DOCK10: variants seen among roughly 807,000 people sequenced by gnomAD.
The protein encoded by DOCK10 is dedicator of cytokinesis 10.
A neutral mutation model predicts 280.1 loss-of-function variants in DOCK10; 145 were observed. The observed-to-expected ratio is 0.52, with a 90% CI of 0.45 to 0.59. The LOEUF (loss-of-function observed/expected upper bound fraction) is 0.59, where lower values mean the gene tolerates loss of function less well. Ranked by LOEUF, DOCK10 falls within the 20% of genes least tolerant of loss-of-function variation. DOCK10 has a pLI of 0.00. For synonymous variants in DOCK10, 915 were observed against 942.2 expected (o/e 0.97, Z 0.53); for missense variants, 2,368 against 2,651.7 (o/e 0.89, Z 2.35).
In DOCK10 at chr2:224,818,398, C is replaced by CTTT. The variant is rs386392783; in HGVS notation, c.3267+1045_3267+1047dup. 4.8e-3 allele frequency among the ~76,000 whole-genome samples: 604 copies of CTTT among 126,426 alleles called. 27 individuals are homozygous for CTTT. The highest frequency in any genetic ancestry group is 0.013 in the African/African-American group (411 of 30,944). The allele number at this position is 126,426 out of a possible 152,430, so 82.9% of individuals were successfully genotyped here. On this transcript the variant is annotated intron_variant, in intron 29 of 55. Coordinates refer to ENST00000258390, the MANE Select transcript of DOCK10 (RefSeq NM_014689.3). ...GTGCTTGAAAAGGCCTGGCCCCTGC[C>CTTT]TTTTTTTTTTTTTTTTTTGAGACGG...
At chr2:224,919,605 G>A (rs1360924594) in intron 2 of DOCK10, among the ~76,000 whole-genome samples, 1 of 150,682 alleles carries the variant, frequency 6.6e-6, no homozygotes, top group East Asian at 2.0e-4. Flanking sequence ...AATGTGATGT[G>A]TCAGTGTGTA....
chr2:224,855,607 T>G (rs1345769517), intron 15 of DOCK10, among the ~76,000 whole-genome samples: 2 of 152,304 alleles, frequency 1.3e-5, no homozygotes, highest in Non-Finnish European at 2.9e-5. Flanking sequence ...CCCACTCACA[T>G]GCACTCCCCG....
intron 44 of DOCK10, 109 bp from the exon 45 acceptor site, chr2:224,795,203 T>G: frequency 1.1e-6 from 1 of 926,716 alleles, no homozygotes; most frequent in Non-Finnish European, 1.6e-6. Context: ...GAGCATTCTA[T>G]ATATAGTTAT....
chr2:224,986,912 G>A (rs600020), intron 1 of DOCK10, among the ~76,000 whole-genome samples: 96,316 of 152,028 alleles, frequency 0.63, 30,811 homozygotes, highest in Non-Finnish European at 0.63. Flanking sequence ...TCACCTCCTC[G>A]GAGAAAGGCT....
intron 7 of DOCK10, among the ~76,000 whole-genome samples, chr2:224,884,106 A>G: frequency 6.6e-6 from 1 of 152,238 alleles, no homozygotes; most frequent in East Asian, 1.9e-4. Flanking sequence ...TGCCCTTTCC[A>G]TATGGAAAGC....
intron 1 of DOCK10, among the ~76,000 whole-genome samples, chr2:224,991,083 C>T (rs1204826657): frequency 1.3e-5 from 2 of 152,208 alleles, no homozygotes; most frequent in East Asian, 1.9e-4. Context: ...CCAATTTCTA[C>T]TGGAAGGATG....
At chr2:224,954,368 T>C (rs1347636878) in intron 1 of DOCK10, among the ~76,000 whole-genome samples, 4 of 152,236 alleles carry the variant, frequency 2.6e-5, no homozygotes, top group African/African-American at 9.6e-5. Flanking sequence ...TATCTTAGTG[T>C]GATATTTAGA....
chr2:224,795,079 C>T lies in DOCK10; in HGVS notation c.4954G>A (p.Ala1652Thr). The change falls in exon 45 of 56, where the codon GCA (alanine) becomes ACA (threonine). Residue 1652 changes from alanine to threonine, a missense_variant. By Grantham distance (58) the Ala-to-Thr change is moderately conservative (BLOSUM62 0). Coordinates refer to ENST00000258390, the MANE Select transcript of DOCK10 (RefSeq NM_014689.3). ...DKQMKNSNFP[A>T]EVKDLTKRIR... ...CGCTTAGTCAGGTCCTTCACCTCTG[C>T]TGGGAAATTGCTGTTCTTTGGAAAA... The T allele has an allele frequency of 6.2e-7, 1 of 1,613,842 alleles. No homozygotes were observed. Among genetic ancestry groups the T allele is most frequent in the Non-Finnish European group, 8.5e-7 (1 of 1,179,798 alleles).
At chr2:224,864,748 T>TA (rs1228513507) in intron 12 of DOCK10, 73 bp from the exon 13 acceptor site, 5 of 1,575,558 alleles carry the variant, frequency 3.2e-6, no homozygotes, top group African/African-American at 2.7e-5. Context: ...TCCATTTTTT[T>TA]AAAAAAGGAC....
chr2:224,994,923 A>G (rs1706228503), intron 1 of DOCK10, among the ~76,000 whole-genome samples: 1 of 152,222 alleles, frequency 6.6e-6, no homozygotes. Context: ...CAGGAGTGGC[A>G]TAGATGTGTA....
intron 3 of DOCK10, among the ~76,000 whole-genome samples, chr2:224,902,276 G>C (rs1056337366): frequency 4.6e-5 from 7 of 151,948 alleles, no homozygotes; most frequent in Admixed American, 2.0e-4. Context: ...TTTTTTTTCA[G>C]ATGCAAAATT....
At chr2:224,888,857 T>G (rs1242455444) in intron 4 of DOCK10, among the ~76,000 whole-genome samples, 1 of 152,090 alleles carries the variant, frequency 6.6e-6, no homozygotes, top group East Asian at 1.9e-4. Flanking sequence ...TATATTTGTG[T>G]GTGACTACAT....
intron 7 of DOCK10, among the ~76,000 whole-genome samples, chr2:224,881,379 T>C (rs1211993686): frequency 6.6e-6 from 1 of 152,216 alleles, no homozygotes; most frequent in Non-Finnish European, 1.5e-5. Context: ...CAATATATAC[T>C]AGTATTTGCT....
intron 47 of DOCK10, among the ~76,000 whole-genome samples, chr2:224,792,292 TA>T (rs1261146481): frequency 2.0e-5 from 3 of 152,214 alleles, no homozygotes; most frequent in Non-Finnish European, 2.9e-5. Context: ...TTTTTCTTTT[TA>T]TTTTTTTGGA....
chr2:224,766,090 T>C (rs1444494444), intron 55 of DOCK10, among the ~76,000 whole-genome samples: 1 of 152,202 alleles, frequency 6.6e-6, no homozygotes, highest in East Asian at 1.9e-4. Context: ...AATGTTTGGA[T>C]GAAACTTACA....
At chr2:224,772,287 A>C (rs548578209) in intron 53 of DOCK10, among the ~76,000 whole-genome samples, 3 of 152,302 alleles carry the variant, frequency 2.0e-5, no homozygotes, top group African/African-American at 7.2e-5. Context: ...TTATTTTAAA[A>C]TTTAATACTT....
At chr2:224,943,761 CTT>C (rs67538456) in intron 1 of DOCK10, among the ~76,000 whole-genome samples, 147 of 107,414 alleles carry the variant, frequency 1.4e-3, no homozygotes, top group African/African-American at 3.7e-3. Context: ...TTTTTCTTTT[CTT>C]TTTTTTTTTT....
intron 22 of DOCK10, among the ~76,000 whole-genome samples, chr2:224,844,376 C>T (rs749664690): frequency 9.9e-5 from 15 of 152,078 alleles, no homozygotes; most frequent in South Asian, 2.1e-4. Context: ...GTAATCTGCC[C>T]GCCTCGGCCT....
intron 1 of DOCK10, among the ~76,000 whole-genome samples, chr2:224,975,833 G>C (rs1020689813): frequency 6.6e-6 from 1 of 152,152 alleles, no homozygotes; most frequent in African/African-American, 2.4e-5. Context: ...TTCTACAAGT[G>C]GGGGACCCGA....
Sources: gnomAD v4.1 joint callset for allele counts (sites outside exome capture counted in the v4.1 genomes callset) on GRCh38, gnomAD v4.1.1 for gene constraint, MANE v1.5 for transcripts, NCBI Gene and HGNC (gene_info 2026-07-23, HGNC 2026-07-21) for gene names.